Variants in CDYL2 observed in about 807,000 individuals in gnomAD.
CDYL2 encodes chromodomain Y like 2.
A neutral mutation model predicts 49.4 loss-of-function variants in CDYL2; 23 were observed. The ratio of observed to expected loss-of-function variants is 0.47; its 90% CI spans 0.34 to 0.66. The LOEUF (loss-of-function observed/expected upper bound fraction) is 0.66, where lower values mean the gene tolerates loss of function less well. Ranked by LOEUF, CDYL2 falls within the 30% of genes least tolerant of loss-of-function variation. CDYL2 has a pLI of 0.01. For synonymous variants in CDYL2, 360 were observed against 268.8 expected (o/e 1.34, Z -3.32); for missense variants, 678 against 656.4 (o/e 1.03, Z -0.36).
chr16:80,640,933 G>A (rs1038232286), intron 2 of CDYL2, among the ~76,000 whole-genome samples: 3 of 152,156 alleles, frequency 2.0e-5, no homozygotes, highest in Non-Finnish European at 4.4e-5. Context: ...ATAAAAAACA[G>A]TGAAGCATGC....
At chr16:80,794,330 C>A (rs57871162) in intron 1 of CDYL2, among the ~76,000 whole-genome samples, 11 of 152,148 alleles carry the variant, frequency 7.2e-5, no homozygotes, top group African/African-American at 2.7e-4. Flanking sequence ...AAAGTGTATT[C>A]GCTCATTTAA....
chr16:80,734,231 T>C (rs185656731), intron 1 of CDYL2, among the ~76,000 whole-genome samples: 14 of 152,288 alleles, frequency 9.2e-5, no homozygotes, highest in African/African-American at 3.1e-4. Flanking sequence ...ATAAATCTTG[T>C]TGCATATTCC....
intron 1 of CDYL2, among the ~76,000 whole-genome samples, chr16:80,716,444 G>A (rs1046405844): frequency 6.6e-6 from 1 of 152,088 alleles, no homozygotes; most frequent in Non-Finnish European, 1.5e-5. Flanking sequence ...GTCGATGGAT[G>A]GATGCATGGA....
At chr16:80,804,011 G>GGGCGCC (rs1555503966) in intron 1 of CDYL2, 139 bp downstream of exon 1, 1 of 376,854 alleles carries the variant, frequency 2.7e-6, no homozygotes, top group Non-Finnish European at 3.5e-6. Flanking sequence ...GCCACCCTCC[G>GGGCGCC]GCCGCCGCCG....
intron 2 of CDYL2, among the ~76,000 whole-genome samples, chr16:80,635,545 T>C (rs1205195012): frequency 6.6e-6 from 1 of 152,136 alleles, no homozygotes; most frequent in Non-Finnish European, 1.5e-5. Flanking sequence ...CACACACCAC[T>C]GCTCAAGGAA....
At chr16:80,735,563 G>T (rs1271176883) in intron 1 of CDYL2, among the ~76,000 whole-genome samples, 4 of 152,214 alleles carry the variant, frequency 2.6e-5, no homozygotes, top group Admixed American at 2.0e-4. Flanking sequence ...TAAGGCTCCA[G>T]TGATCTGGCT....
At chr16:80,800,295 T>G (rs576953148) in intron 1 of CDYL2, among the ~76,000 whole-genome samples, 7 of 152,294 alleles carry the variant, frequency 4.6e-5, no homozygotes, top group African/African-American at 1.7e-4. Context: ...GGATCAGACT[T>G]AATTTCAATA....
At chr16:80,690,687 G>T (rs949061310) in intron 1 of CDYL2, among the ~76,000 whole-genome samples, 2 of 152,086 alleles carry the variant, frequency 1.3e-5, no homozygotes, top group African/African-American at 4.8e-5. Flanking sequence ...CATATCCGCA[G>T]CTTCAGGCTC....
chr16:80,610,139 A>G (rs1906529222), intron 5 of CDYL2, among the ~76,000 whole-genome samples: 1 of 152,186 alleles, frequency 6.6e-6, no homozygotes, highest in Non-Finnish European at 1.5e-5. Flanking sequence ...AAGGAAGGAA[A>G]AGGGACAATG....
At chr16:80,749,762 A>G (rs1906066109) in intron 1 of CDYL2, among the ~76,000 whole-genome samples, 1 of 152,180 alleles carries the variant, frequency 6.6e-6, no homozygotes, top group Admixed American at 6.5e-5. Flanking sequence ...ATACATGTGC[A>G]TGTGCTATAA....
intron 5 of CDYL2, among the ~76,000 whole-genome samples, chr16:80,611,164 C>T (rs1906577612): frequency 6.6e-6 from 1 of 152,186 alleles, no homozygotes; most frequent in Admixed American, 6.5e-5. Context: ...GGTGGGACCT[C>T]CTTCCAAGAC....
intron 1 of CDYL2, among the ~76,000 whole-genome samples, chr16:80,709,193 C>A (rs952543237): frequency 2.0e-5 from 3 of 152,102 alleles, no homozygotes; most frequent in African/African-American, 7.2e-5. Context: ...ACCACCCTGG[C>A]CAACATGGCG....
chr16:80,704,164 C>A (rs937489385), intron 1 of CDYL2, among the ~76,000 whole-genome samples: 1 of 152,176 alleles, frequency 6.6e-6, no homozygotes, highest in Non-Finnish European at 1.5e-5. Flanking sequence ...TCCTTTCGCA[C>A]CCTCATCCAA....
chr16:80,732,470 C>G (rs901219485), intron 1 of CDYL2, among the ~76,000 whole-genome samples: 17 of 152,132 alleles, frequency 1.1e-4, no homozygotes, highest in Admixed American at 3.3e-4. Flanking sequence ...AAAAAGGTTT[C>G]TCTATAAACA....
chr16:80,720,970 T>A (rs1904978584), intron 1 of CDYL2, among the ~76,000 whole-genome samples: 1 of 152,106 alleles, frequency 6.6e-6, no homozygotes, highest in Admixed American at 6.5e-5. Context: ...ATCATTTCAT[T>A]ATAAGGAAGT....
chr16:80,742,687 T>C (rs892115765), intron 1 of CDYL2, among the ~76,000 whole-genome samples: 1 of 146,288 alleles, frequency 6.8e-6, no homozygotes, highest in African/African-American at 2.6e-5. Context: ...GATGAATGGG[T>C]AGGTGAGTGC....
At chr16:80,666,989 T>A (rs535227208) in intron 2 of CDYL2, among the ~76,000 whole-genome samples, 3 of 152,200 alleles carry the variant, frequency 2.0e-5, no homozygotes, top group Non-Finnish European at 4.4e-5. Context: ...ATTACCCGAA[T>A]AATCAGTGTG....
intron 1 of CDYL2, 104 bp from the exon 2 acceptor site, chr16:80,685,233 C>T: frequency 4.5e-6 from 4 of 883,904 alleles, no homozygotes; most frequent in Non-Finnish European, 7.0e-6. Flanking sequence ...GAGGCATCTA[C>T]CCTAGCCAGG....
At chr16:80,803,563 C>T in intron 1 of CDYL2, among the ~76,000 whole-genome samples, 1 of 151,368 alleles carries the variant, frequency 6.6e-6, no homozygotes, top group East Asian at 2.0e-4. Flanking sequence ...CCCCGGGGAG[C>T]GGTTTGGCGG....
Sources: gnomAD v4.1 joint callset for allele counts (sites outside exome capture counted in the v4.1 genomes callset) on GRCh38, gnomAD v4.1.1 for gene constraint, MANE v1.5 for transcripts, NCBI Gene and HGNC (gene_info 2026-07-23, HGNC 2026-07-21) for gene names.